GAS2: variants seen among roughly 807,000 people sequenced by gnomAD.
The protein encoded by GAS2 is growth arrest specific 2, also known as growth arrest-specific protein 2.
GAS2 carries 20 observed loss-of-function variants against 37.5 expected under a neutral mutation model. That is an observed-to-expected ratio of 0.53 (90% CI 0.37 to 0.77). The LOEUF (loss-of-function observed/expected upper bound fraction) is 0.77. Among genes scored for constraint, GAS2 ranks in the 30% least tolerant of loss-of-function variants. GAS2 has a pLI of 0.00. For missense variants in GAS2, 336 were observed against 373.4 expected, an observed-to-expected ratio of 0.90 and a Z score of 0.82; for synonymous variants, 144 against 132.2, an observed-to-expected ratio of 1.09 and a Z score of -0.61.
At chr11:22,638,157 C>T (rs897727791) in intron 1 of GAS2, among the ~76,000 whole-genome samples, 3 of 151,976 alleles carry the variant, frequency 2.0e-5, no homozygotes, top group Non-Finnish European at 4.4e-5. Flanking sequence ...AAATATAAAA[C>T]GGCAACCACT....
chr11:22,693,864 A>G (rs916971011), intron 3 of GAS2, among the ~76,000 whole-genome samples: 38 of 152,280 alleles, frequency 2.5e-4, no homozygotes, highest in Middle Eastern at 3.4e-3. Context: ...ATTTGGCTCT[A>G]GTCTGGGAAT....
At chr11:22,697,889 A>G (rs1424581449) in intron 3 of GAS2, among the ~76,000 whole-genome samples, 1 of 152,190 alleles carries the variant, frequency 6.6e-6, no homozygotes, top group Non-Finnish European at 1.5e-5. Context: ...GTCATCTGCA[A>G]ACAGGGACAA....
At chr11:22,702,370 T>C (rs928296957) in intron 3 of GAS2, 9 of 152,132 alleles carry the variant, frequency 5.9e-5, no homozygotes, top group African/African-American at 2.2e-4. Flanking sequence ...GAGGATGAAG[T>C]TTGTTGAACT....
intron 1 of GAS2, among the ~76,000 whole-genome samples, chr11:22,673,449 A>G (rs1232969176): frequency 6.6e-6 from 1 of 152,230 alleles, no homozygotes; most frequent in Non-Finnish European, 1.5e-5. Flanking sequence ...GCCTATTGCA[A>G]GTATTTTCAT....
intron 3 of GAS2, among the ~76,000 whole-genome samples, chr11:22,714,384 C>G (rs901987273): frequency 2.0e-5 from 3 of 151,924 alleles, no homozygotes; most frequent in Non-Finnish European, 2.9e-5. Context: ...AAACAATTAC[C>G]GCTACACATA....
At chr11:22,786,455 C>T (rs188226949) in intron 7 of GAS2, among the ~76,000 whole-genome samples, 1 of 152,232 alleles carries the variant, frequency 6.6e-6, no homozygotes, top group East Asian at 1.9e-4. Flanking sequence ...CGTTTATCCA[C>T]TTATTCATGC....
chr11:22,697,659 C>T (rs1173165712), intron 3 of GAS2, among the ~76,000 whole-genome samples: 2 of 152,146 alleles, frequency 1.3e-5, no homozygotes, highest in Non-Finnish European at 2.9e-5. Flanking sequence ...AGGTCCTTCA[C>T]GTCCCTTGTA....
chr11:22,738,439 GC>G (rs1212310566), intron 5 of GAS2, among the ~76,000 whole-genome samples: 1 of 152,076 alleles, frequency 6.6e-6, no homozygotes, highest in Non-Finnish European at 1.5e-5. Flanking sequence ...TTATTATCTT[GC>G]ATACCATCAG....
intron 7 of GAS2, among the ~76,000 whole-genome samples, chr11:22,767,563 A>G (rs527449808): frequency 1.3e-5 from 2 of 151,834 alleles, no homozygotes; most frequent in African/African-American, 4.8e-5. Context: ...TTTTTTTTGC[A>G]AAGGGGAAAG....
intron 5 of GAS2, among the ~76,000 whole-genome samples, chr11:22,743,219 T>C (rs925170465): frequency 1.3e-5 from 2 of 152,090 alleles, no homozygotes; most frequent in African/African-American, 4.8e-5. Context: ...CTACAGTAAA[T>C]TTTTTGGTAA....
intron 3 of GAS2, among the ~76,000 whole-genome samples, chr11:22,690,086 T>C (rs1850166495): frequency 6.6e-6 from 1 of 152,192 alleles, no homozygotes; most frequent in Non-Finnish European, 1.5e-5. Flanking sequence ...CATAGCAATA[T>C]TTTTTACTAT....
intron 1 of GAS2, among the ~76,000 whole-genome samples, chr11:22,660,796 T>C (rs1425542832): frequency 6.6e-6 from 1 of 152,176 alleles, no homozygotes; most frequent in African/African-American, 2.4e-5. Context: ...CAATATTCCT[T>C]TATGCTAAGA....
chr11:22,795,808 A>G (rs1590140537), intron 7 of GAS2, among the ~76,000 whole-genome samples: 1 of 152,076 alleles, frequency 6.6e-6, no homozygotes, highest in Admixed American at 6.6e-5. Context: ...TAGTTGCTCC[A>G]TTGAGAAAAC....
chr11:22,668,531 T>C (rs928327702), intron 1 of GAS2, among the ~76,000 whole-genome samples: 3 of 150,320 alleles, frequency 2.0e-5, no homozygotes, highest in Non-Finnish European at 4.4e-5. Flanking sequence ...TGTGCTTTAC[T>C]GGGAAATAAG....
At chr11:22,724,441 A>G (rs1208704884) in intron 3 of GAS2, among the ~76,000 whole-genome samples, 1 of 152,022 alleles carries the variant, frequency 6.6e-6, no homozygotes, top group East Asian at 1.9e-4. Context: ...TTTTATGTGT[A>G]GAATATATTC....
intron 7 of GAS2, among the ~76,000 whole-genome samples, chr11:22,769,703 T>C (rs1021956111): frequency 8.5e-5 from 13 of 152,226 alleles, no homozygotes; most frequent in African/African-American, 2.2e-4. Flanking sequence ...TTGATTCCTA[T>C]TGAAAGCCTT....
Position 22,722,115 on chromosome 11 carries a change from G to A in GAS2, c.268-4177G>A, listed in dbSNP as rs572521167. Among the ~76,000 whole-genome samples the A allele has an allele frequency of 1.1e-4, 17 of 152,014 alleles. No individual in the cohort carries two copies. In the East Asian group the frequency reaches 3.3e-3, roughly 29 times the overall value. On this transcript the variant is annotated intron_variant, in intron 3 of 7. Coordinates refer to ENST00000454584, the MANE Select transcript of GAS2 (RefSeq NM_001143830.3). Reference sequence around the variant, plus strand: ...TGAACTCAAGTAATTGGACTCCAGAGCCCTACCTAGAAACTAATCTGAAAG... The same window carrying A: ...TGAACTCAAGTAATTGGACTCCAGAACCCTACCTAGAAACTAATCTGAAAG...
intron 7 of GAS2, among the ~76,000 whole-genome samples, chr11:22,775,987 T>C (rs760380548): frequency 7.9e-5 from 12 of 152,208 alleles, no homozygotes; most frequent in Non-Finnish European, 1.3e-4. Context: ...ACAAATTTCT[T>C]TACATGAGTT....
intron 7 of GAS2, among the ~76,000 whole-genome samples, chr11:22,796,695 G>A (rs1856442809): frequency 6.6e-6 from 1 of 152,076 alleles, no homozygotes; most frequent in African/African-American, 2.4e-5. Flanking sequence ...TAAGACTCAA[G>A]GGGACATCAG....
Sources: allele counts gnomAD v4.1 joint callset (sites outside exome capture counted in the v4.1 genomes callset), GRCh38; gene constraint gnomAD v4.1.1; transcripts MANE v1.5; gene names NCBI Gene and HGNC (gene_info 2026-07-23, HGNC 2026-07-21).